COL13A1: variants seen among roughly 807,000 people sequenced by gnomAD.
COL13A1 encodes the protein collagen alpha-1(XIII) chain.
In COL13A1, 89 loss-of-function variants were observed where a neutral mutation model predicts 130.9. That is an observed-to-expected ratio of 0.68 (90% CI 0.57 to 0.81). The LOEUF (loss-of-function observed/expected upper bound fraction) is 0.81. COL13A1 is among the 30% of genes least tolerant of loss of function. COL13A1 has a pLI of 0.00. For synonymous variants in COL13A1, 402 were observed against 341.6 expected (o/e 1.18, Z -1.95); for missense variants, 879 against 934.6 (o/e 0.94, Z 0.78).
intron 18 of COL13A1, 131 bp from the exon 19 acceptor site, chr10:69,918,154 G>A (rs2064158029): frequency 4.3e-6 from 3 of 702,110 alleles, no homozygotes; most frequent in Admixed American, 2.6e-5. Flanking sequence ...GGGGTTGGTG[G>A]TTGCGGGGTT....
At chr10:69,817,187 G>C (rs1282808240) in intron 1 of COL13A1, among the ~76,000 whole-genome samples, 1 of 152,042 alleles carries the variant, frequency 6.6e-6, no homozygotes, top group East Asian at 1.9e-4. Flanking sequence ...ATGTTTGCCG[G>C]CCCCTGATGT....
At chr10:69,885,166 C>T (rs943192105) in intron 7 of COL13A1, among the ~76,000 whole-genome samples, 1 of 152,060 alleles carries the variant, frequency 6.6e-6, no homozygotes, top group African/African-American at 2.4e-5. Flanking sequence ...AAACATGACA[C>T]AAAACCCAAA....
At chr10:69,809,347 T>C (rs1183564096) in intron 1 of COL13A1, among the ~76,000 whole-genome samples, 1 of 152,240 alleles carries the variant, frequency 6.6e-6, no homozygotes, top group Admixed American at 6.5e-5. Flanking sequence ...TAGTAGCTGA[T>C]ATTTATTGAG....
In COL13A1 at chr10:69,876,591, T is replaced by G. The variant is rs184607984; in HGVS notation, c.435+1428T>G. On this transcript the variant is annotated intron_variant, in intron 5 of 40. Coordinates refer to ENST00000645393, the MANE Select transcript of COL13A1 (RefSeq NM_001368882.1). ...GAATTGCTGCCCGGCCCTGTCTGTT[T>G]TCTTCCGTTCTCTAACTCCAGATCC... is the stretch of plus-strand genomic sequence containing the variant. Among the ~76,000 whole-genome samples, 100 of 152,280 alleles carry G rather than the reference T, an allele frequency of 6.6e-4. 1 individual carries two copies. Among genetic ancestry groups the G allele is most frequent in the African/African-American group, 2.3e-3 (95 of 41,548 alleles).
chr10:69,829,681 C>A (rs181536988), intron 2 of COL13A1, among the ~76,000 whole-genome samples: 13 of 152,234 alleles, frequency 8.5e-5, no homozygotes, highest in African/African-American at 3.1e-4. Context: ...AAGGAGCACC[C>A]CCACCCCCCA....
In COL13A1 at chr10:69,925,994, G is replaced by A. The variant is rs188756046; in HGVS notation, c.1398+122G>A. 281 of 762,106 alleles carry A rather than the reference G, an allele frequency of 3.7e-4. 1 individual carries two copies. In the East Asian group the frequency reaches 5.7e-3, roughly 15 times the overall value. The allele number at this position is 762,106 out of a possible 1,614,324, so 47.2% of individuals were successfully genotyped here. ...CCCTGCCCTCAGGCCCTCAGGCAGCGCTTCCAGGAGAGCTGCTTCCTCGCT... is the reference window on the plus strand; with the variant it reads ...CCCTGCCCTCAGGCCCTCAGGCAGCACTTCCAGGAGAGCTGCTTCCTCGCT... On this transcript the variant is annotated intron_variant, in intron 26 of 40. Transcript: ENST00000645393.
intron 5 of COL13A1, among the ~76,000 whole-genome samples, chr10:69,876,941 G>A (rs928916296): frequency 6.6e-6 from 1 of 152,150 alleles, no homozygotes; most frequent in African/African-American, 2.4e-5. Context: ...CGTCCTGTCC[G>A]TCCTGTCCTC....
chr10:69,817,001 G>T (rs150829979), intron 1 of COL13A1, among the ~76,000 whole-genome samples: 4 of 152,202 alleles, frequency 2.6e-5, no homozygotes, highest in South Asian at 2.1e-4. Context: ...TAATGATTCC[G>T]TGAGGGTGGG....
At chr10:69,857,595 C>T (rs981305175) in intron 2 of COL13A1, among the ~76,000 whole-genome samples, 4 of 152,134 alleles carry the variant, frequency 2.6e-5, no homozygotes, top group Non-Finnish European at 5.9e-5. Flanking sequence ...TGGGCCAAGG[C>T]GGAACAGTTT....
chr10:69,942,642 A>G (rs2067809937), intron 35 of COL13A1, among the ~76,000 whole-genome samples: 1 of 152,156 alleles, frequency 6.6e-6, no homozygotes, highest in South Asian at 2.1e-4. Flanking sequence ...AGCACTTCCT[A>G]CGCGTCAGGC....
intron 17 of COL13A1, among the ~76,000 whole-genome samples, chr10:69,912,409 A>G (rs1315483261): frequency 6.6e-6 from 1 of 152,112 alleles, no homozygotes; most frequent in East Asian, 1.9e-4. Flanking sequence ...GGGAAGCAGG[A>G]ACTGAGCTGC....
intron 5 of COL13A1, among the ~76,000 whole-genome samples, chr10:69,875,502 C>T (rs2059486777): frequency 6.6e-6 from 1 of 152,182 alleles, no homozygotes; most frequent in East Asian, 1.9e-4. Context: ...TGCCACTCCG[C>T]CCCCCAAAGC....
Position 69,880,543 on chromosome 10 carries a change from G to C in COL13A1, c.503G>C (p.Arg168Pro), listed in dbSNP as rs367825676. ...GCTGGGCTGTCCATCATTGGTCCCCGCGGCCCCCCTGTAAGTTGTTTTTGC... is the reference window on the plus strand; with the variant it reads ...GCTGGGCTGTCCATCATTGGTCCCCCCGGCCCCCCTGTAAGTTGTTTTTGC... The part of the protein sequence containing the change: ...GDAGLSIIGP[R>P]GPPGQPGTRG... Residue 168 changes from arginine (R) to proline (P), a missense_variant, in exon 7 of 41, where the codon CGC becomes CCC. Physicochemically the swap from Arg to Pro is moderately radical, Grantham distance 103 (BLOSUM62 -2). This residue lies in a region of COL13A1 where 715 missense variants were observed against 721.0 expected (regional missense o/e 0.99). Coordinates refer to ENST00000645393, the MANE Select transcript of COL13A1 (RefSeq NM_001368882.1). 2 of 1,613,270 alleles carry C rather than the reference G, an allele frequency of 1.2e-6. No individual in the cohort carries two copies. The highest frequency in any genetic ancestry group is 1.1e-5 in the South Asian group (1 of 91,048).
At chr10:69,918,841 C>T (rs1249488934) in intron 19 of COL13A1, among the ~76,000 whole-genome samples, 1 of 152,220 alleles carries the variant, frequency 6.6e-6, no homozygotes, top group African/African-American at 2.4e-5. Context: ...CCACCTGCCA[C>T]ACCCCTCACC....
chr10:69,937,300 G>C (rs971281383), intron 33 of COL13A1, among the ~76,000 whole-genome samples: 1 of 152,208 alleles, frequency 6.6e-6, no homozygotes, highest in African/African-American at 2.4e-5. Context: ...CAGGGCTCTG[G>C]AGGTAGCATC....
At chr10:69,926,480 CTA>C in intron 26 of COL13A1, among the ~76,000 whole-genome samples, 1 of 152,340 alleles carries the variant, frequency 6.6e-6, no homozygotes, top group Middle Eastern at 3.4e-3. Flanking sequence ...GACAACCAAA[CTA>C]TGTCTCCAGA....
At chr10:69,826,169 A>G (rs2132737039) in intron 2 of COL13A1, among the ~76,000 whole-genome samples, 1 of 152,330 alleles carries the variant, frequency 6.6e-6, no homozygotes, top group Admixed American at 6.5e-5. Context: ...GCAGGACATT[A>G]TAGTCTAGCC....
At chr10:69,933,179 C>G (rs2066384679) in intron 31 of COL13A1, among the ~76,000 whole-genome samples, 1 of 143,274 alleles carries the variant, frequency 7.0e-6, no homozygotes, top group Non-Finnish European at 1.6e-5. Context: ...AGAACCATCC[C>G]TCCACAGCTC....
intron 2 of COL13A1, among the ~76,000 whole-genome samples, chr10:69,838,755 A>G (rs1850785721): frequency 6.6e-6 from 1 of 152,250 alleles, no homozygotes; most frequent in Admixed American, 6.5e-5. Flanking sequence ...ATGCAGGTAT[A>G]TACAGGCCTT....
Sources: gnomAD v4.1 joint callset for allele counts (sites outside exome capture counted in the v4.1 genomes callset) on GRCh38, gnomAD v4.1.1 for gene constraint, gnomAD v4.1.1 regional missense constraint, MANE v1.5 for transcripts, NCBI Gene and HGNC (gene_info 2026-07-23, HGNC 2026-07-21) for gene names.